Variants in LINGO2 observed in about 807,000 individuals in gnomAD.
The protein encoded by LINGO2 is leucine rich repeat and Ig domain containing 2.
Under a neutral mutation model 30.6 loss-of-function variants are expected in LINGO2, and 14 were observed. That is an observed-to-expected ratio of 0.46 (90% confidence interval 0.30 to 0.72). LINGO2 has a LOEUF of 0.72. LINGO2 is among the 30% of genes least tolerant of loss of function. The probability of loss-of-function intolerance (pLI) is 0.07; values close to 1 mark genes in which losing one functional copy is unlikely to be tolerated. For synonymous variants in LINGO2, 317 were observed against 288.5 expected (o/e 1.10, Z -1.00); for missense variants, 729 against 751.7 (o/e 0.97, Z 0.35).
At chr9:28,860,352 G>C in the LINGO2 span, among the ~76,000 whole-genome samples, 1 of 151,996 alleles carries the variant, frequency 6.6e-6, no homozygotes, top group Non-Finnish European at 1.5e-5. Flanking sequence ...TCTATAATGT[G>C]GGTAGGCCTC....
the LINGO2 span, among the ~76,000 whole-genome samples, chr9:28,991,939 A>G: frequency 2.0e-5 from 3 of 152,208 alleles, no homozygotes; most frequent in Non-Finnish European, 2.9e-5. Flanking sequence ...CATCGAGGCT[A>G]GGAATAAACT....
At chr9:29,185,479 A>G in the LINGO2 span, among the ~76,000 whole-genome samples, 1 of 152,116 alleles carries the variant, frequency 6.6e-6, no homozygotes, top group East Asian at 1.9e-4. Flanking sequence ...AATATACACA[A>G]CCCCATGGGA....
the LINGO2 span, among the ~76,000 whole-genome samples, chr9:28,774,257 T>C: frequency 1.3e-5 from 2 of 152,188 alleles, no homozygotes; most frequent in Non-Finnish European, 2.9e-5. Context: ...ATATGTAAGC[T>C]ATGCTAGTAT....
At chr9:28,890,039 T>C in the LINGO2 span, among the ~76,000 whole-genome samples, 19 of 152,190 alleles carry the variant, frequency 1.2e-4, no homozygotes. Context: ...TGGTAAAATT[T>C]CATGCACTCA....
the LINGO2 span, among the ~76,000 whole-genome samples, chr9:28,772,670 A>G: frequency 6.6e-6 from 1 of 152,194 alleles, no homozygotes; most frequent in Non-Finnish European, 1.5e-5. Flanking sequence ...TCAGTACTAT[A>G]TGTTCCCTTG....
chr9:28,290,671 C>T (rs1343058682), intron 4 of LINGO2, among the ~76,000 whole-genome samples: 1 of 151,978 alleles, frequency 6.6e-6, no homozygotes, highest in African/African-American at 2.4e-5. Context: ...TGGGGAGGGG[C>T]AAGGAAGCAA....
intron 4 of LINGO2, among the ~76,000 whole-genome samples, chr9:28,049,243 G>A (rs1166563890): frequency 6.6e-6 from 1 of 150,774 alleles, no homozygotes. Flanking sequence ...TATTCTGGCT[G>A]TCTTTTGTAT....
chr9:29,160,432 T>A, the LINGO2 span, among the ~76,000 whole-genome samples: 1 of 152,240 alleles, frequency 6.6e-6, no homozygotes, highest in African/African-American at 2.4e-5. Flanking sequence ...AATAACTATT[T>A]CAGAGTGTTT....
At chr9:27,947,212 T>C (rs150857878), downstream of LINGO2, among the ~76,000 whole-genome samples, 393 of 152,310 alleles carry the variant, frequency 2.6e-3, 2 homozygotes, top group African/African-American at 9.1e-3. Context: ...CACATAACCA[T>C]ATGCTTTGAA....
intron 4 of LINGO2, among the ~76,000 whole-genome samples, chr9:28,079,177 AAC>A (rs1334339279): frequency 1.3e-5 from 2 of 152,060 alleles, no homozygotes; most frequent in African/African-American, 4.8e-5. Context: ...ACACAATCCC[AAC>A]TGCCTAAAAA....
the LINGO2 span, among the ~76,000 whole-genome samples, chr9:28,981,070 T>A: frequency 6.6e-6 from 1 of 152,188 alleles, no homozygotes; most frequent in East Asian, 1.9e-4. Context: ...TAATCAACAC[T>A]TTGCTTTTCT....
chr9:28,879,156 C>T, the LINGO2 span, among the ~76,000 whole-genome samples: 1 of 152,150 alleles, frequency 6.6e-6, no homozygotes, highest in Admixed American at 6.6e-5. Context: ...GATACAAAAT[C>T]AATGTACAAA....
intron 4 of LINGO2, among the ~76,000 whole-genome samples, chr9:28,261,674 GA>G (rs996371490): frequency 2.6e-5 from 4 of 151,442 alleles, no homozygotes; most frequent in South Asian, 4.2e-4. Context: ...AATTCTTTGA[GA>G]AAAAAAATCC....
intron 1 of LINGO2, among the ~76,000 whole-genome samples, chr9:28,489,367 G>A (rs974940257): frequency 3.3e-5 from 5 of 152,076 alleles, no homozygotes; most frequent in African/African-American, 4.8e-5. Context: ...ACAGGGTTTC[G>A]CCATGTTGGC....
the LINGO2 span, among the ~76,000 whole-genome samples, chr9:28,992,980 CA>C: frequency 6.6e-6 from 1 of 151,602 alleles, no homozygotes; most frequent in Non-Finnish European, 1.5e-5. Context: ...CAAACACATT[CA>C]AAAGCTAGCA....
At chr9:28,742,568 C>T in the LINGO2 span, among the ~76,000 whole-genome samples, 1 of 151,808 alleles carries the variant, frequency 6.6e-6, no homozygotes, top group African/African-American at 2.4e-5. Context: ...CATTTCCTCT[C>T]TACTTCTTTG....
chr9:29,201,627 T>G, the LINGO2 span, among the ~76,000 whole-genome samples: 1 of 145,040 alleles, frequency 6.9e-6, no homozygotes, highest in African/African-American at 2.5e-5. Context: ...GAAAGAGATT[T>G]CAAGTTCATT....
At chr9:28,239,285 A>G (rs1821692371) in intron 4 of LINGO2, among the ~76,000 whole-genome samples, 1 of 152,168 alleles carries the variant, frequency 6.6e-6, no homozygotes, top group South Asian at 2.1e-4. Context: ...AAACTCATCT[A>G]TGAGGTCATT....
chr9:28,771,277 T>C, the LINGO2 span, among the ~76,000 whole-genome samples: 1 of 151,634 alleles, frequency 6.6e-6, no homozygotes, highest in Admixed American at 6.6e-5. Context: ...GCTTTTTTTT[T>C]TTTGGTGGAA....
Sources: gnomAD v4.1 joint callset for allele counts (sites outside exome capture counted in the v4.1 genomes callset) on GRCh38, gnomAD v4.1.1 for gene constraint, MANE v1.5 for transcripts, NCBI Gene and HGNC (gene_info 2026-07-23, HGNC 2026-07-21) for gene names.